FIG4: variants seen among roughly 807,000 people sequenced by gnomAD.
FIG4 encodes the protein polyphosphoinositide phosphatase.
Under a neutral mutation model 118.6 loss-of-function variants are expected in FIG4, and 112 were observed. The ratio of observed to expected loss-of-function variants is 0.94; its 90% CI spans 0.81 to 1.11. The LOEUF (loss-of-function observed/expected upper bound fraction) is 1.11. FIG4 is among the 50% of genes least tolerant of loss of function. The pLI is 0.00. For missense variants in FIG4, 969 were observed against 1,111.7 expected, an observed-to-expected ratio of 0.87 and a Z score of 1.83; for synonymous variants, 369 against 381.2, an observed-to-expected ratio of 0.97 and a Z score of 0.37.
chr6:109,785,695 A>G, intron 17 of FIG4: 3 of 470,912 alleles, frequency 6.4e-6, no homozygotes, highest in South Asian at 3.1e-5. Flanking sequence ...TCTCCTGCGA[A>G]TCTGGAATGC....
rs533350769 is a variant in FIG4, at chr6:109,757,028, C to T, written c.1138-3222C>T. ...TGCAGAAATCACCCGTCTTCTGCGT[C>T]GCTCACGCTGGGAGCTGTAGACCGG... On this transcript the variant is annotated intron_variant, in intron 10 of 22. Transcript: ENST00000230124. Among the ~76,000 whole-genome samples the T allele has an allele frequency of 1.4e-3, 213 of 152,278 alleles. 2 individuals carry two copies. Among genetic ancestry groups the T allele is most frequent in the African/African-American group, 3.6e-3 (150 of 41,566 alleles).
chr6:109,791,380 A>G lies in FIG4; in HGVS notation c.2185A>G (p.Lys729Glu). The change falls in exon 20 of 23, where the codon AAA becomes GAA. Residue 729 changes from lysine (K) to glutamate (E), a missense_variant. Coordinates refer to ENST00000230124, the MANE Select transcript of FIG4 (RefSeq NM_014845.6). The part of the protein sequence containing the change: ...DETGKSVLGN[K>E]SNREEAVLQR... ...TCCATATTATTCTTTTAAAAGAAACAAAAGCAATAGAGAAGAAGCTGTATT... is the reference window on the plus strand; with the variant it reads ...TCCATATTATTCTTTTAAAAGAAACGAAAGCAATAGAGAAGAAGCTGTATT... 6.2e-7 allele frequency: 1 copy of G among 1,612,490 alleles called. No individual in the cohort carries two copies. Among genetic ancestry groups the G allele is most frequent in the East Asian group, 2.2e-5 (1 of 44,882 alleles).
intron 10 of FIG4, among the ~76,000 whole-genome samples, chr6:109,749,820 T>C (rs1776636694): frequency 6.6e-6 from 1 of 152,188 alleles, no homozygotes; most frequent in African/African-American, 2.4e-5. Context: ...GGTCAGTCAG[T>C]GGATTTTAAA....
At chr6:109,815,554 C>T (rs188606677) in intron 22 of FIG4, among the ~76,000 whole-genome samples, 110 of 142,950 alleles carry the variant, frequency 7.7e-4, no homozygotes, top group African/African-American at 2.6e-3. Flanking sequence ...TACCACCATC[C>T]CCCAGACTGT....
Position 109,725,297 on chromosome 6 carries a change from C to T in FIG4, c.290-1812C>T, listed in dbSNP as rs1256673655. On this transcript the variant is annotated intron_variant, in intron 3 of 22. Transcript: ENST00000230124. ...GGCCCTGGTGTGTGATGTTCCCCTC[C>T]CTATGTCTATGTGTTCTCATTGTTC... is the stretch of plus-strand genomic sequence containing the variant. Among the ~76,000 whole-genome samples the T allele has an allele frequency of 4.6e-5, 7 of 152,006 alleles. No homozygotes were observed. In the East Asian group the frequency reaches 1.2e-3, roughly 25 times the overall value.
intron 22 of FIG4, among the ~76,000 whole-genome samples, chr6:109,821,430 CA>C (rs2128401972): frequency 6.6e-6 from 1 of 152,304 alleles, no homozygotes; most frequent in East Asian, 1.9e-4. Flanking sequence ...AGCAAAATAA[CA>C]TTCCTACAGA....
rs563323788 is a variant in FIG4 at position 109,763,193 on chromosome 6, T to G, written c.1389-744T>G. Among the ~76,000 whole-genome samples the G allele has an allele frequency of 9.8e-5, 15 of 152,352 alleles. 1 individual carries two copies. In the South Asian group the frequency reaches 3.1e-3, roughly 32 times the overall value. ...AAGAAGGTATTCAGGAAAAACCATA[T>G]TATTTCTACAAACCATTTCAGCACA... is the stretch of plus-strand genomic sequence containing the variant. On this transcript the variant is annotated intron_variant, in intron 12 of 22. Transcript: ENST00000230124.
At chr6:109,778,980 A>G (rs1777713541) in intron 16 of FIG4, among the ~76,000 whole-genome samples, 1 of 152,126 alleles carries the variant, frequency 6.6e-6, no homozygotes, top group African/African-American at 2.4e-5. Flanking sequence ...ATGTTTCTCA[A>G]ATTTATTCTT....
At chr6:109,736,008 T>C (rs745866908) in intron 6 of FIG4, among the ~76,000 whole-genome samples, 5 of 151,988 alleles carry the variant, frequency 3.3e-5, no homozygotes, top group Non-Finnish European at 7.4e-5. Context: ...GCAATACCTT[T>C]ATCGCCAAAT....
At chr6:109,708,598 G>T (rs1052014590) in intron 1 of FIG4, among the ~76,000 whole-genome samples, 3 of 152,192 alleles carry the variant, frequency 2.0e-5, no homozygotes, top group African/African-American at 7.2e-5. Context: ...GTGTATAAGT[G>T]TTCCTTTTTC....
intron 22 of FIG4, among the ~76,000 whole-genome samples, chr6:109,800,689 A>G (rs889094944): frequency 6.6e-6 from 1 of 152,156 alleles, no homozygotes; most frequent in Non-Finnish European, 1.5e-5. Flanking sequence ...TTGAGGCCCC[A>G]TGAGCATCCC....
chr6:109,740,074 TCCTGAATTA>T (rs1776277745), intron 7 of FIG4, among the ~76,000 whole-genome samples: 1 of 152,190 alleles, frequency 6.6e-6, no homozygotes, highest in African/African-American at 2.4e-5. Context: ...AGAGATTTGA[TCCTGAATTA>T]CTTTTTTCTC....
rs1209947403 is a variant in FIG4, at chr6:109,727,120, T to C, written c.301T>C (p.Phe101Leu). The C allele has an allele frequency of 6.2e-7, 1 of 1,610,612 alleles. No homozygotes were observed. The highest frequency in any genetic ancestry group is 1.7e-5 in the Admixed American group (1 of 59,982). ...SAFGVVGFVR[F>L]LEGYYIVLIT... Reference sequence around the variant, plus strand: ...TTTTTGTTGCATAGGTTTTGTCAGGTTCTTAGAAGGCTATTATATTGTGTT... The same window carrying C: ...TTTTTGTTGCATAGGTTTTGTCAGGCTCTTAGAAGGCTATTATATTGTGTT... The change falls in exon 4 of 23, where the codon TTC (phenylalanine) becomes CTC (leucine). Residue 101 changes from phenylalanine to leucine, a missense_variant. Phe to Leu is a conservative substitution (Grantham distance 22). Around this residue, in one of 3 missense-constraint regions of FIG4, gnomAD observed 393 missense variants for 409.4 expected, o/e 0.96. Coordinates refer to ENST00000230124, the MANE Select transcript of FIG4 (RefSeq NM_014845.6).
At chr6:109,809,030 AAG>A (rs1778649060) in intron 22 of FIG4, among the ~76,000 whole-genome samples, 1 of 152,328 alleles carries the variant, frequency 6.6e-6, no homozygotes, top group African/African-American at 2.4e-5. Context: ...ATCAATGGAT[AAG>A]AGAGTATGAG....
chr6:109,780,841 T>A (rs1777781214), intron 16 of FIG4, among the ~76,000 whole-genome samples: 1 of 152,222 alleles, frequency 6.6e-6, no homozygotes, highest in Non-Finnish European at 1.5e-5. Context: ...AGTACTTCGA[T>A]GACACAAAAT....
intron 10 of FIG4, among the ~76,000 whole-genome samples, chr6:109,749,646 G>A (rs954249989): frequency 1.1e-4 from 15 of 130,548 alleles, no homozygotes; most frequent in African/African-American, 3.3e-4. Flanking sequence ...TACAGAGTTC[G>A]TATAGTGTGG....
At chr6:109,778,071 G>T (rs1777671441) in intron 16 of FIG4, among the ~76,000 whole-genome samples, 1 of 152,076 alleles carries the variant, frequency 6.6e-6, no homozygotes, top group African/African-American at 2.4e-5. Context: ...TGAAGTTAGA[G>T]CCTAGTCCAT....
At chr6:109,818,723 C>G (rs11968299) in intron 22 of FIG4, among the ~76,000 whole-genome samples, 2 of 152,104 alleles carry the variant, frequency 1.3e-5, no homozygotes, top group Non-Finnish European at 2.9e-5. Flanking sequence ...ATTCAAAAAG[C>G]CATTACCACA....
intron 4 of FIG4, among the ~76,000 whole-genome samples, chr6:109,728,474 T>C (rs1775886401): frequency 6.6e-6 from 1 of 152,200 alleles, no homozygotes; most frequent in Non-Finnish European, 1.5e-5. Context: ...AAGAAATATT[T>C]ATAAGTTTTT....
Sources: gnomAD v4.1 joint callset for allele counts (sites outside exome capture counted in the v4.1 genomes callset) on GRCh38, gnomAD v4.1.1 for gene constraint, gnomAD v4.1.1 regional missense constraint, MANE v1.5 for transcripts, NCBI Gene and HGNC (gene_info 2026-07-23, HGNC 2026-07-21) for gene names.